Variants in ZNF536 observed in about 807,000 individuals in gnomAD.
ZNF536 encodes the protein zinc finger protein 536.
ZNF536 carries 13 observed loss-of-function variants against 84.5 expected under a neutral mutation model. That is an observed-to-expected ratio of 0.15 (90% CI 0.10 to 0.24). The LOEUF is 0.24. ZNF536 is among the 10% of genes least tolerant of loss of function. The pLI is 1.00. For synonymous variants in ZNF536, 811 were observed against 742.5 expected (o/e 1.09, Z -1.50); for missense variants, 1,536 against 1,747.5 (o/e 0.88, Z 2.16).
At chr19:30,620,185 G>A (rs2217661) in intron 1 of ZNF536, among the ~76,000 whole-genome samples, 5,638 of 152,164 alleles carry the variant, frequency 0.037, 149 homozygotes, top group Middle Eastern at 0.065. Flanking sequence ...AAACTGGAGA[G>A]CAAATGCCTG....
At chr19:30,266,930 G>A (rs1290694108) in intron 1 of ZNF536, among the ~76,000 whole-genome samples, 1 of 152,094 alleles carries the variant, frequency 6.6e-6, no homozygotes, top group African/African-American at 2.4e-5. Flanking sequence ...GTCTGACAAC[G>A]GAATCCGTTA....
At chr19:30,459,445 G>C (rs142077927) in intron 2 of ZNF536, among the ~76,000 whole-genome samples, 2 of 149,020 alleles carry the variant, frequency 1.3e-5, no homozygotes, top group Non-Finnish European at 3.0e-5. Flanking sequence ...CTGCTTTCCC[G>C]GTTCAAGTGA....
chr19:30,402,796 A>AAAATAT (rs1555744992), intron 1 of ZNF536, among the ~76,000 whole-genome samples: 3 of 85,610 alleles, frequency 3.5e-5, no homozygotes, highest in Non-Finnish European at 7.1e-5. Flanking sequence ...AAAATTAAAA[A>AAAATAT]ATATATATAT....
chr19:30,338,017 G>T (rs1052785314), intron 2 of ZNF536, among the ~76,000 whole-genome samples: 1 of 151,746 alleles, frequency 6.6e-6, no homozygotes, highest in African/African-American at 2.4e-5. Flanking sequence ...TGATGATGAT[G>T]GTGGTGGATT....
chr19:30,703,190 C>T (rs2052065508), intron 1 of ZNF536, among the ~76,000 whole-genome samples: 2 of 152,084 alleles, frequency 1.3e-5, no homozygotes, highest in South Asian at 4.1e-4. Flanking sequence ...GAGCAAAGGT[C>T]CCGGGGCAGA....
At chr19:30,449,487 A>G (rs2052498398) in intron 2 of ZNF536, among the ~76,000 whole-genome samples, 1 of 152,234 alleles carries the variant, frequency 6.6e-6, no homozygotes, top group Non-Finnish European at 1.5e-5. Flanking sequence ...TTTGGAAATC[A>G]CACTCAGAAT....
intron 1 of ZNF536, among the ~76,000 whole-genome samples, chr19:30,420,215 A>G (rs982493963): frequency 6.6e-6 from 1 of 152,202 alleles, no homozygotes; most frequent in Non-Finnish European, 1.5e-5. Flanking sequence ...TAAATCCTTT[A>G]AGGAAGCCAT....
intron 1 of ZNF536, among the ~76,000 whole-genome samples, chr19:30,628,282 C>T (rs1349952442): frequency 3.3e-5 from 5 of 152,222 alleles, no homozygotes; most frequent in Non-Finnish European, 7.3e-5. Flanking sequence ...ATGCTGGCCC[C>T]GTGGCTCTGC....
At chr19:30,600,195 C>T (rs1344195784) in intron 1 of ZNF536, among the ~76,000 whole-genome samples, 1 of 152,088 alleles carries the variant, frequency 6.6e-6, no homozygotes, top group African/African-American at 2.4e-5. Flanking sequence ...CAAGTGTAAG[C>T]GATCCTTCTG....
intron 1 of ZNF536, among the ~76,000 whole-genome samples, chr19:30,701,197 A>T (rs753004068): frequency 0.032 from 3,809 of 119,592 alleles, 107 homozygotes; most frequent in African/African-American, 0.073. Context: ...ACTCTCACAC[A>T]CACACACACA....
intron 1 of ZNF536, among the ~76,000 whole-genome samples, chr19:30,576,575 T>C (rs1394919458): frequency 6.6e-6 from 1 of 152,230 alleles, no homozygotes; most frequent in Non-Finnish European, 1.5e-5. Context: ...CTAGTGGCGC[T>C]CATGTCTGAT....
At chr19:30,383,757 CTCTTTCTTTCTTTCTTT>C (rs2049152350) in intron 1 of ZNF536, among the ~76,000 whole-genome samples, 2 of 86,940 alleles carry the variant, frequency 2.3e-5, no homozygotes, top group African/African-American at 3.7e-5. Context: ...TTCTTTCTTT[CTCTTTCTTTCTTTCTTT>C]TCTTTCTTTC....
At chr19:30,575,530 C>T (rs2046699026) in intron 1 of ZNF536, among the ~76,000 whole-genome samples, 1 of 152,240 alleles carries the variant, frequency 6.6e-6, no homozygotes, top group Non-Finnish European at 1.5e-5. Flanking sequence ...CAAATATTTC[C>T]TGATGGTTCC....
rs76340617 is a variant in ZNF536 at position 30,598,310 on chromosome 19, C to T, written c.169+48796C>T. ...TACAGAAGCTGCAGTTTTGCTGTAA[C>T]ATGCCCTTGTCTTCCCTAACTTACC... On this transcript the variant is annotated intron_variant, in intron 1 of 1. Coordinates refer to the ZNF536 transcript ENST00000592773. Among the ~76,000 whole-genome samples the T allele has an allele frequency of 3.6e-3, 550 of 152,306 alleles. 3 individuals carry two copies. Among genetic ancestry groups the T allele is most frequent in the African/African-American group, 0.013 (533 of 41,572 alleles).
At chr19:30,236,401 C>T (rs554125219) in intron 1 of ZNF536, among the ~76,000 whole-genome samples, 3 of 152,226 alleles carry the variant, frequency 2.0e-5, no homozygotes, top group East Asian at 3.9e-4. Context: ...ATTTATTTTC[C>T]GTGTGATTTT....
chr19:30,346,803 C>T (rs1244844439), intron 2 of ZNF536, among the ~76,000 whole-genome samples: 1 of 152,178 alleles, frequency 6.6e-6, no homozygotes, highest in East Asian at 1.9e-4. Flanking sequence ...CTGCAATGAA[C>T]ATACGCATAC....
At chr19:30,575,895 G>C (rs533246970) in intron 1 of ZNF536, among the ~76,000 whole-genome samples, 1 of 152,154 alleles carries the variant, frequency 6.6e-6, no homozygotes, top group African/African-American at 2.4e-5. Flanking sequence ...ATGTAGAAGA[G>C]GGGGAGGGAC....
intron 2 of ZNF536, among the ~76,000 whole-genome samples, chr19:30,341,566 C>A (rs554094956): frequency 2.6e-5 from 4 of 152,240 alleles, no homozygotes; most frequent in Admixed American, 2.6e-4. Context: ...CATGCAGACA[C>A]CAAAGTTAAT....
In ZNF536 at chr19:30,408,512, T is replaced by G. The variant is rs142675319; in HGVS notation, c.-2-35049T>G. ...TTAGAAAGTCATCACTGTTTTCTACTGCCATTCAATCTTCTTGACCTCTGG... is the reference window on the plus strand; with the variant it reads ...TTAGAAAGTCATCACTGTTTTCTACGGCCATTCAATCTTCTTGACCTCTGG... On this transcript the variant is annotated intron_variant, in intron 1 of 4. Transcript: ENST00000355537. Among the ~76,000 whole-genome samples the G allele has an allele frequency of 3.2e-3, 487 of 152,306 alleles. 5 individuals carry two copies. Among genetic ancestry groups the G allele is most frequent in the African/African-American group, 0.011 (468 of 41,562 alleles).
Sources: gnomAD v4.1 joint callset for allele counts (sites outside exome capture counted in the v4.1 genomes callset) on GRCh38, gnomAD v4.1.1 for gene constraint, MANE v1.5 for transcripts, NCBI Gene and HGNC (gene_info 2026-07-23, HGNC 2026-07-21) for gene names.